Variants in SLA2 observed in about 807,000 individuals in gnomAD.
SLA2 encodes Src like adaptor 2, also known as src-like-adapter 2.
A neutral mutation model predicts 27.3 loss-of-function variants in SLA2; 22 were observed. The ratio of observed to expected loss-of-function variants is 0.81; its 90% CI spans 0.58 to 1.15. The LOEUF (loss-of-function observed/expected upper bound fraction) is 1.15. Ranked by LOEUF, SLA2 falls within the 50% of genes most tolerant of loss-of-function variation. SLA2 has a pLI of 0.00. For synonymous variants in SLA2, 131 were observed against 137.8 expected, an observed-to-expected ratio of 0.95 and a Z score of 0.34; for missense variants, 304 against 322.2, an observed-to-expected ratio of 0.94 and a Z score of 0.43.
intron 2 of SLA2, among the ~76,000 whole-genome samples, chr20:36,636,536 C>T (rs1380285994): frequency 4.9e-5 from 7 of 142,658 alleles, no homozygotes; most frequent in East Asian, 4.1e-4. Context: ...ACCTGGGAGG[C>T]GGAGGTTGCG....
In SLA2 at chr20:36,613,778, G is replaced by T; in HGVS notation, c.*88C>A. On this transcript the variant is annotated 3_prime_UTR_variant, in exon 8 of 8. Coordinates refer to ENST00000262866, the MANE Select transcript of SLA2 (RefSeq NM_032214.4). ...TGTGTCCCACCCTCCCTCCCTGAGT[G>T]CACAGCCTTGCCTCTGGGGTGCCCA... 3 of 498,344 alleles carry T rather than the reference G, an allele frequency of 6.0e-6. No homozygotes were observed. Among genetic ancestry groups the T allele is most frequent in the Non-Finnish European group, 7.2e-6 (2 of 276,426 alleles). 30.9% of individuals were successfully genotyped at this position (498,344 alleles called of 1,614,324 possible). A position where few individuals can be genotyped will look rare whatever the true frequency, so the allele number is the denominator to read the frequency against.
chr20:36,642,346 A>G (rs1408996837), intron 1 of SLA2, among the ~76,000 whole-genome samples: 1 of 149,622 alleles, frequency 6.7e-6, no homozygotes, highest in Non-Finnish European at 1.5e-5. Flanking sequence ...AACGCACATG[A>G]AAACCCTGAC....
Position 36,641,348 on chromosome 20 carries a change from G to T in SLA2, c.-13C>A. ...GCAGACTTCCCATTGTTCCTCAGCAGAGCACTCAGAAGCACATCATCGAGG... is the reference window on the plus strand; with the variant it reads ...GCAGACTTCCCATTGTTCCTCAGCATAGCACTCAGAAGCACATCATCGAGG... On this transcript the variant is annotated 5_prime_UTR_variant, in exon 2 of 8. It adds an upstream start codon to the 5' untranslated region. Transcript: ENST00000262866. The T allele has an allele frequency of 6.2e-7, 1 of 1,611,160 alleles. No homozygotes were observed. The highest frequency in any genetic ancestry group is 1.1e-5 in the South Asian group (1 of 90,996).
chr20:36,624,662 C>T (rs1241427213), intron 5 of SLA2, among the ~76,000 whole-genome samples: 1 of 152,230 alleles, frequency 6.6e-6, no homozygotes, highest in Non-Finnish European at 1.5e-5. Context: ...AGCTCATCAC[C>T]ATTTGCACTC....
At position 36,615,333 on chromosome 20, in the gene SLA2, AGGATGCAGGGC is replaced by A; in HGVS notation, c.413_423del (p.Arg138LeufsTer13). 1 of 1,614,148 alleles carries A rather than the reference AGGATGCAGGGC, an allele frequency of 6.2e-7. No individual in the cohort carries two copies. Among genetic ancestry groups the A allele is most frequent in the Non-Finnish European group, 8.5e-7 (1 of 1,180,038 alleles). ...ATCCTGTAGTGTCTGATCCGGTCCC[AGGATGCAGGGC>A]GGCTGAGGCGGACTGACAGAGAGTA... is the stretch of plus-strand genomic sequence containing the variant. On this transcript the variant is annotated frameshift_variant, in exon 6 of 8. Transcript: ENST00000262866. LOFTEE classifies it high-confidence loss of function.
At chr20:36,617,024 T>C (rs1481941425) in intron 5 of SLA2, among the ~76,000 whole-genome samples, 1 of 151,382 alleles carries the variant, frequency 6.6e-6, no homozygotes, top group Admixed American at 6.6e-5. Flanking sequence ...CAGTCCAGCC[T>C]TGGCAACAGA....
In SLA2 at chr20:36,633,407, C is replaced by A. The variant is rs1568607466; in HGVS notation, c.278+136G>T. On this transcript the variant is annotated intron_variant, in intron 4 of 7. Transcript: ENST00000262866. Reference sequence around the variant, plus strand: ...CCTGTGCTAGGATGAGCTGTCTGCCCCTCTTGAGGGCAGGACCTGGGTTCG... The same window carrying A: ...CCTGTGCTAGGATGAGCTGTCTGCCACTCTTGAGGGCAGGACCTGGGTTCG... 4 of 725,970 alleles carry A rather than the reference C, an allele frequency of 5.5e-6. No homozygotes were observed. The East Asian group carries it at 1.0e-4, about 18-fold the overall frequency. The allele number at this position is 725,970 out of a possible 1,614,324, so 45.0% of individuals were successfully genotyped here.
chr20:36,618,395 C>T (rs1428412651), intron 5 of SLA2, among the ~76,000 whole-genome samples: 1 of 151,532 alleles, frequency 6.6e-6, no homozygotes, highest in Non-Finnish European at 1.5e-5. Flanking sequence ...TGCCACCATG[C>T]CCGGCTATTT....
chr20:36,632,436 C>A (rs1387025689), intron 5 of SLA2, among the ~76,000 whole-genome samples, 159 bp downstream of exon 5: 1 of 152,194 alleles, frequency 6.6e-6, no homozygotes, highest in East Asian at 1.9e-4. Context: ...CCACATGGTT[C>A]ATATGGGCAG....
At chr20:36,616,599 C>T (rs1042662830) in intron 5 of SLA2, among the ~76,000 whole-genome samples, 1 of 152,094 alleles carries the variant, frequency 6.6e-6, no homozygotes, top group Non-Finnish European at 1.5e-5. Context: ...TCCCAAAGTG[C>T]TGGGATTACA....
At chr20:36,622,387 G>A (rs1369170335) in intron 5 of SLA2, among the ~76,000 whole-genome samples, 7 of 145,388 alleles carry the variant, frequency 4.8e-5, no homozygotes, top group Non-Finnish European at 7.5e-5. Context: ...GAAAAACCAC[G>A]ATCACCTGAA....
At chr20:36,614,660 T>C in intron 6 of SLA2, 1 of 985,466 alleles carries the variant, frequency 1.0e-6, no homozygotes, top group Non-Finnish European at 1.2e-6. Flanking sequence ...GGTGAGTTCA[T>C]GGACCTCTTG....
At chr20:36,626,595 C>A (rs1279698215) in intron 5 of SLA2, among the ~76,000 whole-genome samples, 4 of 151,052 alleles carry the variant, frequency 2.6e-5, no homozygotes, top group African/African-American at 9.7e-5. Flanking sequence ...TGCCTGTAAT[C>A]CCAGCACTTT....
At chr20:36,625,207 C>G (rs554685322) in intron 5 of SLA2, among the ~76,000 whole-genome samples, 5 of 143,884 alleles carry the variant, frequency 3.5e-5, no homozygotes, top group African/African-American at 1.4e-4. Flanking sequence ...CATCAGACCA[C>G]GTACCCTGAT....
chr20:36,619,592 T>A (rs538274413), intron 5 of SLA2, among the ~76,000 whole-genome samples: 4 of 151,298 alleles, frequency 2.6e-5, no homozygotes, highest in African/African-American at 9.7e-5. Context: ...ACCAGCCTGG[T>A]CAACATAGAG....
Position 36,613,848 on chromosome 20 carries a change from T to G in SLA2, c.*18A>C, listed in dbSNP as rs6093144. 7,254 of 1,606,200 alleles carry G rather than the reference T, an allele frequency of 4.5e-3. 297 individuals carry two copies. In the African/African-American group the frequency reaches 0.086, roughly 19 times the overall value. On this transcript the variant is annotated 3_prime_UTR_variant, in exon 8 of 8. Coordinates refer to ENST00000262866, the MANE Select transcript of SLA2 (RefSeq NM_032214.4). Reference sequence around the variant, plus strand: ...TAGGTGTGCAGCCTTGGTTTCCCTTTTGGCCTCTCCTTTGGGCCTAGGCAT... The same window carrying G: ...TAGGTGTGCAGCCTTGGTTTCCCTTGTGGCCTCTCCTTTGGGCCTAGGCAT...
chr20:36,614,724 C>T (rs778720564), intron 6 of SLA2: 9 of 985,436 alleles, frequency 9.1e-6, no homozygotes, highest in Non-Finnish European at 1.1e-5. Context: ...CTAAGGAATG[C>T]TCAGTCTACT....
chr20:36,619,245 G>C (rs1464396057), intron 5 of SLA2, among the ~76,000 whole-genome samples: 1 of 144,968 alleles, frequency 6.9e-6, no homozygotes, highest in African/African-American at 2.5e-5. Flanking sequence ...AAAAAAAAAG[G>C]CTGGGTGCGG....
intron 5 of SLA2, chr20:36,620,417 A>T: frequency 4.8e-6 from 1 of 208,412 alleles, no homozygotes; most frequent in South Asian, 6.6e-5. Flanking sequence ...AAGATACAGA[A>T]GAATATAATT....
Sources: gnomAD v4.1 joint callset for allele counts (sites outside exome capture counted in the v4.1 genomes callset) on GRCh38, gnomAD v4.1.1 for gene constraint, MANE v1.5 for transcripts, NCBI Gene and HGNC (gene_info 2026-07-23, HGNC 2026-07-21) for gene names.